CSMD1: variants seen among roughly 807,000 people sequenced by gnomAD.
CSMD1 encodes the protein CUB and Sushi multiple domains 1.
CSMD1 carries 213 observed loss-of-function variants against 417.5 expected under a neutral mutation model. The observed-to-expected ratio is 0.51, with a 90% CI of 0.46 to 0.57. The LOEUF is 0.57. CSMD1 is among the 20% of genes least tolerant of loss of function. CSMD1 has a pLI of 0.00. For synonymous variants in CSMD1, 2,862 were observed against 1,736.8 expected (o/e 1.65, Z -16.11); for missense variants, 6,923 against 4,529.7 (o/e 1.53, Z -15.17).
intron 2 of CSMD1, among the ~76,000 whole-genome samples, chr8:4,606,543 T>C (rs1268120446): frequency 1.3e-5 from 2 of 152,168 alleles, no homozygotes; most frequent in African/African-American, 4.8e-5. Flanking sequence ...GCAGCAGGGC[T>C]GTCAGCTGCT....
chr8:4,951,663 C>G (rs1459182881), intron 1 of CSMD1, among the ~76,000 whole-genome samples: 1 of 151,350 alleles, frequency 6.6e-6, no homozygotes, highest in African/African-American at 2.4e-5. Flanking sequence ...ATCTGGATTT[C>G]CTACTTTTAG....
chr8:4,525,133 C>G (rs556819659), intron 2 of CSMD1, among the ~76,000 whole-genome samples: 3 of 152,314 alleles, frequency 2.0e-5, no homozygotes, highest in South Asian at 4.1e-4. Flanking sequence ...TTTCAATCTA[C>G]TCCAACATTA....
At chr8:4,769,047 T>G (rs62484605) in intron 1 of CSMD1, among the ~76,000 whole-genome samples, 41,589 of 152,080 alleles carry the variant, frequency 0.27, 6,741 homozygotes, top group Non-Finnish European at 0.36. Flanking sequence ...TCGGGGAATA[T>G]CATTTAGAAT....
intron 11 of CSMD1, among the ~76,000 whole-genome samples, chr8:3,472,617 A>T (rs754690795): frequency 1.2e-4 from 19 of 152,098 alleles, no homozygotes; most frequent in Admixed American, 6.6e-5. Flanking sequence ...CCAGACTCAC[A>T]CTAGACACAT....
chr8:4,480,689 T>G lies in CSMD1; in HGVS notation c.303-60624A>C, dbSNP rs74994952. The stretch of plus-strand genomic sequence containing the variant: ...CTCCCTATGGGTCCTTGTGTAGCTG[T>G]GTATCCATCTCTTTCTGACAACCAC... On this transcript the variant is annotated intron_variant, in intron 2 of 69. Coordinates refer to ENST00000635120, the MANE Select transcript of CSMD1 (RefSeq NM_033225.6). Among the ~76,000 whole-genome samples the G allele has an allele frequency of 2.8e-3, 420 of 152,354 alleles. 1 individual carries two copies. The highest frequency in any genetic ancestry group is 9.7e-3 in the African/African-American group (405 of 41,586).
intron 5 of CSMD1, among the ~76,000 whole-genome samples, chr8:3,980,589 T>G (rs1813783630): frequency 1.3e-5 from 2 of 152,196 alleles, no homozygotes. Context: ...TTTCCCCCCT[T>G]GTTAATTTGT....
rs1800067069 is a variant in CSMD1, at chr8:3,574,519, T to A, written c.1344+426A>T. 2.0e-5 allele frequency among the ~76,000 whole-genome samples: 3 copies of A among 152,206 alleles called. No homozygotes were observed. In the South Asian group the frequency reaches 6.2e-4, roughly 31 times the overall value. On this transcript the variant is annotated intron_variant, in intron 10 of 69. Transcript: ENST00000635120. Reference sequence around the variant, plus strand: ...ACTTTGGCCTCCCAAAGTGCTGGCATTACAGGCTTGAGCGACTGAGCCCGG... The same window carrying A: ...ACTTTGGCCTCCCAAAGTGCTGGCAATACAGGCTTGAGCGACTGAGCCCGG...
At chr8:3,715,718 T>A (rs1466864685) in intron 6 of CSMD1, among the ~76,000 whole-genome samples, 5 of 152,126 alleles carry the variant, frequency 3.3e-5, no homozygotes, top group Non-Finnish European at 7.4e-5. Context: ...ATTTTTTGTA[T>A]TTTTAGTAGA....
chr8:4,994,544 G>A lies in CSMD1; in HGVS notation c.-128C>T. 2 of 826,138 alleles carry A rather than the reference G, an allele frequency of 2.4e-6. No individual in the cohort carries two copies. The highest frequency in any genetic ancestry group is 2.7e-4 in the Middle Eastern group (1 of 3,766). The allele number at this position is 826,138 out of a possible 1,614,324, so 51.2% of individuals were successfully genotyped here. A position where few individuals can be genotyped will look rare whatever the true frequency, so the allele number is the denominator to read the frequency against. On this transcript the variant is annotated 5_prime_UTR_variant, in exon 1 of 70. Coordinates refer to ENST00000635120, the MANE Select transcript of CSMD1 (RefSeq NM_033225.6). ...AGAGAGCCCGGTCCCAAGACCCGCCGCGCATCCGACGCCTCCTGAAGGTCT... is the reference window on the plus strand; with the variant it reads ...AGAGAGCCCGGTCCCAAGACCCGCCACGCATCCGACGCCTCCTGAAGGTCT...
At chr8:3,100,336 T>C (rs1194396172) in intron 46 of CSMD1, among the ~76,000 whole-genome samples, 1 of 152,216 alleles carries the variant, frequency 6.6e-6, no homozygotes, top group East Asian at 1.9e-4. Context: ...TAAGAAGCAT[T>C]TGGAGGTGTT....
At chr8:4,547,729 G>C (rs1000050411) in intron 2 of CSMD1, among the ~76,000 whole-genome samples, 7 of 152,206 alleles carry the variant, frequency 4.6e-5, no homozygotes, top group Non-Finnish European at 7.3e-5. Context: ...GCTATAAGCA[G>C]ATGATTCTGA....
At position 3,635,195 on chromosome 8, in the gene CSMD1, G is replaced by A. The variant is rs567756991; in HGVS notation, c.1010-18398C>T. Among the ~76,000 whole-genome samples, 8 of 152,184 alleles carry A rather than the reference G, an allele frequency of 5.3e-5. No homozygotes were observed. In the East Asian group the frequency reaches 1.6e-3, roughly 30 times the overall value. ...TGTGCACTGCTGTAGAAACACTGTA[G>A]CCAGGTGCAGTGGCTCACGCCTGTA... On this transcript the variant is annotated intron_variant, in intron 7 of 69. Transcript: ENST00000635120.
intron 5 of CSMD1, among the ~76,000 whole-genome samples, chr8:3,927,881 A>G (rs1198122442): frequency 6.6e-6 from 1 of 152,184 alleles, no homozygotes; most frequent in Non-Finnish European, 1.5e-5. Flanking sequence ...CATTCTTAAT[A>G]TGAGAGTCGA....
rs114543691 is a variant in CSMD1 at position 4,923,588 on chromosome 8, G to A, written c.85+70744C>T. ...AATAAATATAAAATGAAGCCCTTGT[G>A]ATAACCTCATTGAGTTTAAACATAC... is the stretch of plus-strand genomic sequence containing the variant. On this transcript the variant is annotated intron_variant, in intron 1 of 69. Transcript: ENST00000635120. 5.2e-3 allele frequency among the ~76,000 whole-genome samples: 721 copies of A among 137,396 alleles called. 3 individuals are homozygous for A. The highest frequency in any genetic ancestry group is 0.017 in the African/African-American group (682 of 40,096). The allele number at this position is 137,396 out of a possible 152,430, so 90.1% of individuals were successfully genotyped here. A position where few individuals can be genotyped will look rare whatever the true frequency, so the allele number is the denominator to read the frequency against.
chr8:4,158,575 C>A (rs909866075), intron 3 of CSMD1, among the ~76,000 whole-genome samples: 1 of 152,148 alleles, frequency 6.6e-6, no homozygotes, highest in African/African-American at 2.4e-5. Flanking sequence ...TATGACAGAA[C>A]AGTCCTCGTT....
intron 49 of CSMD1, among the ~76,000 whole-genome samples, chr8:3,056,572 G>A (rs945587220): frequency 6.6e-6 from 1 of 151,946 alleles, no homozygotes; most frequent in Non-Finnish European, 1.5e-5. Context: ...GTCCCACTAT[G>A]TTACCCAGAA....
At chr8:4,039,433 ATCG>A (rs1797775863) in intron 3 of CSMD1, among the ~76,000 whole-genome samples, 7 of 152,236 alleles carry the variant, frequency 4.6e-5, no homozygotes, top group African/African-American at 1.4e-4. Context: ...ACATTAAAAA[ATCG>A]GATTTCCTAG....
intron 16 of CSMD1, among the ~76,000 whole-genome samples, chr8:3,398,217 C>T (rs144554431): frequency 3.8e-4 from 58 of 152,198 alleles, no homozygotes; most frequent in Middle Eastern, 3.4e-3. Flanking sequence ...GCTTCAGCTC[C>T]GCCTGCCAAT....
At chr8:4,144,500 C>G (rs1371614439) in intron 3 of CSMD1, among the ~76,000 whole-genome samples, 2 of 151,046 alleles carry the variant, frequency 1.3e-5, no homozygotes, top group South Asian at 2.1e-4. Flanking sequence ...CTTGAGGGCT[C>G]CAGTCTAAAT....
Sources: allele counts gnomAD v4.1 joint callset (sites outside exome capture counted in the v4.1 genomes callset), GRCh38; gene constraint gnomAD v4.1.1; transcripts MANE v1.5; gene names NCBI Gene and HGNC (gene_info 2026-07-23, HGNC 2026-07-21).